The following ANAPC10 variants were observed in gnomAD, a reference collection of about 807,000 sequenced individuals.
ANAPC10 encodes anaphase-promoting complex subunit 10.
A neutral mutation model predicts 22.0 loss-of-function variants in ANAPC10; 12 were observed. That is an observed-to-expected ratio of 0.55 (90% CI 0.35 to 0.88). ANAPC10 has a LOEUF of 0.88. ANAPC10 is among the 40% of genes least tolerant of loss of function. ANAPC10 has a pLI of 0.01. For missense variants in ANAPC10, 188 were observed against 220.9 expected, an observed-to-expected ratio of 0.85 and a Z score of 0.94; for synonymous variants, 65 against 69.5, an observed-to-expected ratio of 0.94 and a Z score of 0.32.
chr4:145,033,784 T>C (rs950697625), intron 4 of ANAPC10, among the ~76,000 whole-genome samples: 5 of 152,234 alleles, frequency 3.3e-5, no homozygotes, highest in Non-Finnish European at 7.3e-5. Flanking sequence ...CAGTCATCAA[T>C]ACCAGCTACA....
chr4:145,016,431 T>A (rs1357206891), intron 4 of ANAPC10, among the ~76,000 whole-genome samples: 2 of 152,150 alleles, frequency 1.3e-5, no homozygotes. Flanking sequence ...AAGGACCTCT[T>A]CAAGGAGAAC....
intron 4 of ANAPC10, among the ~76,000 whole-genome samples, chr4:145,008,947 C>G (rs1316114326): frequency 6.6e-6 from 1 of 152,084 alleles, no homozygotes; most frequent in Non-Finnish European, 1.5e-5. Context: ...ACCCCACTGT[C>G]TCAGCCCAAA....
At chr4:145,074,209 T>A (rs1250423608) in intron 3 of ANAPC10, among the ~76,000 whole-genome samples, 1 of 151,624 alleles carries the variant, frequency 6.6e-6, no homozygotes, top group Admixed American at 6.6e-5. Context: ...AGTACAAAAT[T>A]ACACATTCAA....
chr4:145,006,426 A>C (rs1168687114), intron 4 of ANAPC10, among the ~76,000 whole-genome samples: 1 of 152,096 alleles, frequency 6.6e-6, no homozygotes, highest in Non-Finnish European at 1.5e-5. Flanking sequence ...GTCTTCAAAT[A>C]AGGAATAAGA....
At chr4:145,006,443 C>T (rs759516373) in intron 4 of ANAPC10, among the ~76,000 whole-genome samples, 5 of 151,802 alleles carry the variant, frequency 3.3e-5, no homozygotes, top group Admixed American at 2.0e-4. Context: ...AAGAAAGGAA[C>T]GATAGCAATG....
intron 4 of ANAPC10, among the ~76,000 whole-genome samples, chr4:145,016,098 T>C (rs557958184): frequency 5.5e-4 from 83 of 152,194 alleles, no homozygotes; most frequent in African/African-American, 1.8e-3. Flanking sequence ...CTATTCAACA[T>C]AGTGTTGGAA....
chr4:145,064,661 A>G lies in ANAPC10; in HGVS notation c.238T>C (p.Tyr80His). The G allele has an allele frequency of 6.3e-7, 1 of 1,586,958 alleles. No individual in the cohort carries two copies. The stretch of plus-strand genomic sequence containing the variant: ...CTTTCATCAGATTTGTAGTCTGCAT[A>G]AATACATAATGTCTTCACTGTTGTT... ...RKTTVKTLCIYADYKSDESYT... is the reference protein window; with the variant it reads ...RKTTVKTLCIHADYKSDESYT... The change falls in exon 4 of 5, where the codon TAT (tyrosine) becomes CAT (histidine). Residue 80 changes from tyrosine to histidine, a missense_variant. By Grantham distance (83) the Tyr-to-His change is moderately conservative. Transcript: ENST00000507656.
intron 4 of ANAPC10, among the ~76,000 whole-genome samples, chr4:145,029,674 G>A (rs940117992): frequency 6.6e-6 from 1 of 152,094 alleles, no homozygotes; most frequent in Non-Finnish European, 1.5e-5. Context: ...TTGGTTAGCT[G>A]AAATATGGAT....
chr4:145,020,513 A>G (rs1735819594), intron 4 of ANAPC10, among the ~76,000 whole-genome samples: 1 of 152,174 alleles, frequency 6.6e-6, no homozygotes, highest in Non-Finnish European at 1.5e-5. Flanking sequence ...CCCTCTGAGA[A>G]CTGGAACAAA....
chr4:145,092,481 G>A (rs1747822818), intron 2 of ANAPC10, among the ~76,000 whole-genome samples: 2 of 152,156 alleles, frequency 1.3e-5, no homozygotes, highest in African/African-American at 2.4e-5. Context: ...GTAGAGCATA[G>A]GAGGAAGGAA....
At chr4:145,032,213 C>G (rs1737694750) in intron 4 of ANAPC10, among the ~76,000 whole-genome samples, 1 of 152,206 alleles carries the variant, frequency 6.6e-6, no homozygotes, top group Non-Finnish European at 1.5e-5. Flanking sequence ...CACTACAGCC[C>G]CTTTCTAGGA....
At chr4:145,051,711 T>C (rs970357045) in intron 4 of ANAPC10, among the ~76,000 whole-genome samples, 13 of 152,112 alleles carry the variant, frequency 8.5e-5, no homozygotes, top group African/African-American at 3.1e-4. Flanking sequence ...AACAGCCACA[T>C]AGTTATTATT....
At position 145,081,855 on chromosome 4, in the gene ANAPC10, A is replaced by G. The variant is rs1342519826; in HGVS notation, c.116-105T>C. ...TTTGTCCAGAAATTTTGATAAACAGAAAGGTCAGAAATATTAATTTTTTTT... is the reference window on the plus strand; with the variant it reads ...TTTGTCCAGAAATTTTGATAAACAGGAAGGTCAGAAATATTAATTTTTTTT... On this transcript the variant is annotated intron_variant, in intron 2 of 4. Transcript: ENST00000507656. 21 of 809,146 alleles carry G rather than the reference A, an allele frequency of 2.6e-5. No individual in the cohort carries two copies. In the East Asian group the frequency reaches 5.2e-4, roughly 20 times the overall value. 50.1% of individuals were successfully genotyped at this position (809,146 alleles called of 1,614,324 possible).
At chr4:145,045,623 A>T (rs1329354021) in intron 4 of ANAPC10, among the ~76,000 whole-genome samples, 1 of 152,078 alleles carries the variant, frequency 6.6e-6, no homozygotes, top group African/African-American at 2.4e-5. Context: ...ACTTTTTTTC[A>T]TATCACTTCT....
At chr4:145,008,745 A>G in intron 4 of ANAPC10, among the ~76,000 whole-genome samples, 1 of 152,204 alleles carries the variant, frequency 6.6e-6, no homozygotes, top group Admixed American at 6.5e-5. Context: ...CTGAATGGGC[A>G]AAAACTGGAA....
chr4:145,040,127 G>A (rs1324583011), intron 4 of ANAPC10, among the ~76,000 whole-genome samples: 2 of 51,214 alleles, frequency 3.9e-5, no homozygotes, highest in Non-Finnish European at 7.8e-5. Context: ...TAGTGTGTGT[G>A]TATGTGTGTG....
intron 4 of ANAPC10, among the ~76,000 whole-genome samples, chr4:145,025,988 A>G (rs1736601899): frequency 1.3e-5 from 2 of 152,186 alleles, no homozygotes; most frequent in African/African-American, 2.4e-5. Flanking sequence ...CAGGTAAAAC[A>G]AGACTAGATG....
intron 4 of ANAPC10, among the ~76,000 whole-genome samples, chr4:145,036,995 CGTGTGTGTGTGTGTGTGTGTGT>C (rs202100756): frequency 1.5e-5 from 2 of 131,122 alleles, no homozygotes; most frequent in Admixed American, 7.7e-5. Context: ...AAATAGATAA[CGTGTGTGTGTGTGTGTGTGTGT>C]GTGTGTGTGT....
intron 3 of ANAPC10, among the ~76,000 whole-genome samples, chr4:145,069,632 G>T (rs1187570132): frequency 2.6e-5 from 4 of 152,204 alleles, no homozygotes; most frequent in South Asian, 4.1e-4. Flanking sequence ...TTGCCCAAGA[G>T]AAATGATCTT....
Sources: gnomAD v4.1 joint callset for allele counts (sites outside exome capture counted in the v4.1 genomes callset) on GRCh38, gnomAD v4.1.1 for gene constraint, MANE v1.5 for transcripts, NCBI Gene and HGNC (gene_info 2026-07-23, HGNC 2026-07-21) for gene names.